DOCK3: variants seen among roughly 807,000 people sequenced by gnomAD.
DOCK3 encodes dedicator of cytokinesis 3.
Under a neutral mutation model 265.6 loss-of-function variants are expected in DOCK3, and 60 were observed. The ratio of observed to expected loss-of-function variants is 0.23; its 90% CI spans 0.18 to 0.28. DOCK3 has a LOEUF of 0.28. DOCK3 is among the 10% of genes least tolerant of loss of function. The probability of loss-of-function intolerance (pLI) is 1.00; values close to 1 mark genes in which losing one functional copy is unlikely to be tolerated. For missense variants in DOCK3, 1,981 were observed against 2,594.3 expected, an observed-to-expected ratio of 0.76 and a Z score of 5.14; for synonymous variants, 881 against 938.0, an observed-to-expected ratio of 0.94 and a Z score of 1.11.
intron 1 of DOCK3, among the ~76,000 whole-genome samples, chr3:50,680,697 G>A (rs977282308): frequency 1.3e-5 from 2 of 150,850 alleles, no homozygotes; most frequent in African/African-American, 4.9e-5. Context: ...TTTTTATAGA[G>A]ACTGGGTCTT....
At chr3:51,245,425 C>T (rs1175629409) in intron 21 of DOCK3, among the ~76,000 whole-genome samples, 2 of 136,538 alleles carry the variant, frequency 1.5e-5, no homozygotes, top group Non-Finnish European at 3.0e-5. Flanking sequence ...GAGTCTTGCA[C>T]TGTCGCCTGG....
intron 24 of DOCK3, 34 bp downstream of exon 24, chr3:51,271,041 TC>T: frequency 8.8e-6 from 14 of 1,582,938 alleles, no homozygotes; most frequent in Non-Finnish European, 1.2e-5. Context: ...CCTCCTTCCT[TC>T]CAGGGGTGTC....
intron 3 of DOCK3, among the ~76,000 whole-genome samples, chr3:50,884,948 G>C (rs1295154918): frequency 1.3e-5 from 2 of 152,010 alleles, no homozygotes; most frequent in East Asian, 3.9e-4. Flanking sequence ...ACCATCCTAA[G>C]GGTTTTACCA....
intron 2 of DOCK3, chr3:50,787,024 T>G (rs1460627753): frequency 1.3e-6 from 1 of 740,926 alleles, no homozygotes; most frequent in Admixed American, 1.7e-5. Context: ...TCTCACAAAT[T>G]TCACAGGAAA....
At chr3:50,956,241 T>C (rs2076726291) in intron 5 of DOCK3, among the ~76,000 whole-genome samples, 1 of 152,210 alleles carries the variant, frequency 6.6e-6, no homozygotes, top group African/African-American at 2.4e-5. Context: ...GGAAAAAGTC[T>C]GTGGTTGGAG....
At position 50,898,276 on chromosome 3, in the gene DOCK3, A is replaced by G. The variant is rs56998819; in HGVS notation, c.218+8195A>G. Among the ~76,000 whole-genome samples, 223 of 152,274 alleles carry G rather than the reference A, an allele frequency of 1.5e-3. 2 individuals carry two copies. Among genetic ancestry groups the G allele is most frequent in the African/African-American group, 3.6e-3 (151 of 41,570 alleles). On this transcript the variant is annotated intron_variant, in intron 4 of 52. Coordinates refer to ENST00000266037, the MANE Select transcript of DOCK3 (RefSeq NM_004947.5). The stretch of plus-strand genomic sequence containing the variant: ...CTAGTTTATTTGCATAGAGGTGTTC[A>G]TAGTATTCTCTGATGGTAGTTTGTA...
chr3:51,252,509 C>G (rs1181053237), intron 22 of DOCK3, among the ~76,000 whole-genome samples: 4 of 152,160 alleles, frequency 2.6e-5, no homozygotes, highest in African/African-American at 9.7e-5. Context: ...GAATGTTCTT[C>G]CATTTATTTG....
At position 50,759,841 on chromosome 3, in the gene DOCK3, G is replaced by A. The variant is rs1359616669; in HGVS notation, c.38-18834G>A. On this transcript the variant is annotated intron_variant, in intron 1 of 52. Coordinates refer to ENST00000266037, the MANE Select transcript of DOCK3 (RefSeq NM_004947.5). The stretch of plus-strand genomic sequence containing the variant: ...CCACTGCACTCCAGCCTGGGTGACC[G>A]AGTGAGATATTATTAAAAAAAAAAA... 6.2e-5 allele frequency among the ~76,000 whole-genome samples: 7 copies of A among 112,006 alleles called. No individual in the cohort carries two copies. In the East Asian group the frequency reaches 1.3e-3, roughly 21 times the overall value. 73.5% of individuals were successfully genotyped at this position (112,006 alleles called of 152,430 possible). A position where few individuals can be genotyped will look rare whatever the true frequency, so the allele number is the denominator to read the frequency against.
Position 51,381,249 on chromosome 3 carries a change from T to C in DOCK3, c.5783T>C (p.Leu1928Pro), listed in dbSNP as rs782614968. The C allele has an allele frequency of 1.2e-6, 2 of 1,613,872 alleles. No individual in the cohort carries two copies. Among genetic ancestry groups the C allele is most frequent in the Non-Finnish European group, 1.7e-6 (2 of 1,179,870 alleles). ...PSQAWNADEDLEPPYLPVHYS... is the reference protein window; with the variant it reads ...PSQAWNADEDPEPPYLPVHYS... The stretch of plus-strand genomic sequence containing the variant: ...CAGGCCTGGAATGCTGACGAAGATC[T>C]TGAGCCACCCTACCTCCCTGTCCAC... Residue 1928 changes from leucine (L) to proline (P), a missense_variant, in exon 53 of 53, where the codon CTT (leucine) becomes CCT (proline). This residue lies in a region of DOCK3 where 149 missense variants were observed against 144.7 expected (regional missense o/e 1.03). Coordinates refer to ENST00000266037, the MANE Select transcript of DOCK3 (RefSeq NM_004947.5). This position sits in a 1 kb window ranked among gnomAD's most constrained non-coding sequence, Gnocchi z 5.6.
At chr3:51,046,170 G>C (rs540731439) in intron 5 of DOCK3, among the ~76,000 whole-genome samples, 2 of 152,206 alleles carry the variant, frequency 1.3e-5, no homozygotes, top group Admixed American at 1.3e-4. Flanking sequence ...GAAGAGAGGA[G>C]GAGGGGAACA....
chr3:50,863,880 A>G (rs969433572), intron 3 of DOCK3, among the ~76,000 whole-genome samples: 2 of 152,216 alleles, frequency 1.3e-5, no homozygotes, highest in Non-Finnish European at 2.9e-5. Flanking sequence ...ACTTAAGGTG[A>G]TTTCACATCT....
Position 51,064,525 on chromosome 3 carries a change from T to C in DOCK3, c.393T>C (p.Ser131=). 6.2e-7 allele frequency: 1 copy of C among 1,614,028 alleles called. No homozygotes were observed. Among genetic ancestry groups the C allele is most frequent in the Non-Finnish European group, 8.5e-7 (1 of 1,179,880 alleles). Residue 131 remains serine, a synonymous_variant, in exon 6 of 53, where the codon TCT becomes TCC. Transcript: ENST00000266037. ...TTGACCTGCGAAGGCAGCTACTGTC[T>C]GGTCACCTGACTCAGGATCAGGTGC... ...ELIDLRRQLL[S]GHLTQDQVRE...
At chr3:50,976,423 G>T (rs1163644019) in intron 5 of DOCK3, among the ~76,000 whole-genome samples, 2 of 122,456 alleles carry the variant, frequency 1.6e-5, no homozygotes, top group Admixed American at 9.4e-5. Flanking sequence ...TCAGGAGCAG[G>T]TTGTTCAGTT....
intron 9 of DOCK3, among the ~76,000 whole-genome samples, chr3:51,097,030 G>T (rs148772955): frequency 1.4e-3 from 219 of 152,298 alleles, no homozygotes; most frequent in African/African-American, 5.1e-3. Flanking sequence ...TCTCCTGTAT[G>T]AGGTGTCTGT....
intron 2 of DOCK3, among the ~76,000 whole-genome samples, chr3:50,794,177 G>A (rs2042643177): frequency 1.3e-5 from 2 of 152,196 alleles, no homozygotes; most frequent in South Asian, 4.1e-4. Context: ...TAGAATGTGT[G>A]TGATGTGGCA....
chr3:51,223,560 TA>T (rs950787763), intron 14 of DOCK3, among the ~76,000 whole-genome samples: 1 of 151,926 alleles, frequency 6.6e-6, no homozygotes, highest in South Asian at 2.1e-4. Flanking sequence ...GAATAAATAA[TA>T]AAAAAAATCT....
chr3:50,850,106 C>T (rs912832049), intron 3 of DOCK3, among the ~76,000 whole-genome samples: 4 of 151,620 alleles, frequency 2.6e-5, no homozygotes, highest in African/African-American at 7.3e-5. Context: ...GTTGGCTGGG[C>T]GTGGTGGCTC....
At chr3:51,114,128 G>T (rs1181506919) in intron 9 of DOCK3, among the ~76,000 whole-genome samples, 1 of 151,472 alleles carries the variant, frequency 6.6e-6, no homozygotes, top group African/African-American at 2.4e-5. Context: ...AAAAATGCCT[G>T]AATGATTGGA....
At chr3:51,181,916 A>T (rs1283182456) in intron 12 of DOCK3, among the ~76,000 whole-genome samples, 1 of 152,230 alleles carries the variant, frequency 6.6e-6, no homozygotes, top group Non-Finnish European at 1.5e-5. Context: ...TCCATTTCTA[A>T]CAAGTTCACT....
Sources: gnomAD v4.1 joint callset for allele counts (sites outside exome capture counted in the v4.1 genomes callset) on GRCh38, gnomAD v4.1.1 for gene constraint, gnomAD v4.1.1 regional missense constraint, Gnocchi (gnomAD v3.1) non-coding constraint, MANE v1.5 for transcripts, NCBI Gene and HGNC (gene_info 2026-07-23, HGNC 2026-07-21) for gene names.